Variants in PKD1L1 observed in about 807,000 individuals in gnomAD.
PKD1L1 encodes the protein polycystin 1 like 1, transient receptor potential channel interacting, also known as polycystin-1-like protein 1.
Under a neutral mutation model 323.4 loss-of-function variants are expected in PKD1L1, and 236 were observed. The observed-to-expected ratio is 0.73, with a 90% CI of 0.66 to 0.81. The LOEUF is 0.81. Ranked by LOEUF, PKD1L1 falls within the 40% of genes least tolerant of loss-of-function variation. The pLI is 0.00. For missense variants in PKD1L1, 3,320 were observed against 3,508.0 expected (o/e 0.95, Z 1.35); for synonymous variants, 1,344 against 1,335.0 (o/e 1.01, Z -0.15).
chr7:47,871,449 TGACAGAAGG>T lies in PKD1L1; in HGVS notation c.3896+2441_3896+2449del, dbSNP rs1379904109. 2.6e-5 allele frequency among the ~76,000 whole-genome samples: 4 copies of T among 152,292 alleles called. No individual in the cohort carries two copies. The East Asian group carries it at 7.7e-4, about 29-fold the overall frequency. On this transcript the variant is annotated intron_variant, in intron 24 of 56. Coordinates refer to ENST00000289672, the MANE Select transcript of PKD1L1 (RefSeq NM_138295.5). ...AGGGGAAGAAGGCTGTGACCTCACATGACAGAAGGGACAGAACGACCAAAGAGGGCCTAT... is the reference window on the plus strand; with the variant it reads ...AGGGGAAGAAGGCTGTGACCTCACATGACAGAACGACCAAAGAGGGCCTAT...
intron 45 of PKD1L1, among the ~76,000 whole-genome samples, chr7:47,823,490 G>A (rs2128733134): frequency 6.6e-6 from 1 of 152,208 alleles, no homozygotes; most frequent in South Asian, 2.1e-4. Context: ...ATAGATTTCT[G>A]TCTTGCTTTC....
At chr7:47,941,962 T>C (rs1009874576) in intron 2 of PKD1L1, among the ~76,000 whole-genome samples, 8 of 152,190 alleles carry the variant, frequency 5.3e-5, no homozygotes, top group African/African-American at 1.9e-4. Flanking sequence ...ACAGAAGTGA[T>C]ATTTATAGGT....
chr7:47,802,607 C>G (rs914872164), intron 53 of PKD1L1, among the ~76,000 whole-genome samples: 7 of 152,236 alleles, frequency 4.6e-5, no homozygotes, highest in Non-Finnish European at 8.8e-5. Flanking sequence ...GCCCTGATTG[C>G]AATTCTTTGC....
intron 2 of PKD1L1, among the ~76,000 whole-genome samples, chr7:47,943,163 A>AAAT (rs1554417311): frequency 2.9e-5 from 1 of 34,146 alleles, no homozygotes; most frequent in African/African-American, 1.0e-4. Flanking sequence ...AAAAAAAAAA[A>AAAT]ATATATATAT....
intron 54 of PKD1L1, among the ~76,000 whole-genome samples, chr7:47,798,382 T>G (rs1562934520): frequency 1.3e-5 from 2 of 152,236 alleles, no homozygotes; most frequent in African/African-American, 4.8e-5. Flanking sequence ...AAACAGGAAC[T>G]CTGTTCCATA....
At chr7:47,952,490 T>A (rs1788218237), upstream of PKD1L1, among the ~76,000 whole-genome samples, 1 of 152,200 alleles carries the variant, frequency 6.6e-6, no homozygotes, top group Non-Finnish European at 1.5e-5. Flanking sequence ...TCCATTAGCA[T>A]CTTGGGACAA....
intron 6 of PKD1L1, among the ~76,000 whole-genome samples, chr7:47,930,829 A>G (rs1039242406): frequency 6.6e-6 from 1 of 152,126 alleles, no homozygotes; most frequent in African/African-American, 2.4e-5. Context: ...ACAAACAAAC[A>G]AACAACAACA....
chr7:47,884,902 T>TA (rs1395655026), intron 18 of PKD1L1, among the ~76,000 whole-genome samples: 1 of 152,172 alleles, frequency 6.6e-6, no homozygotes, highest in East Asian at 1.9e-4. Flanking sequence ...GTGTGGTTTC[T>TA]AAGAATAACC....
chr7:47,918,205 A>C (rs976861214), intron 7 of PKD1L1, among the ~76,000 whole-genome samples: 1 of 152,190 alleles, frequency 6.6e-6, no homozygotes, highest in Non-Finnish European at 1.5e-5. Flanking sequence ...CAAACAAAAC[A>C]AACTTTAAAG....
chr7:47,827,547 G>T, intron 44 of PKD1L1, 79 bp from the exon 45 acceptor site: 2 of 1,240,378 alleles, frequency 1.6e-6, no homozygotes, highest in Non-Finnish European at 2.3e-6. Context: ...GCCAAGCCAA[G>T]GAATGTGTCA....
chr7:47,903,472 C>T (rs1011309843), intron 12 of PKD1L1, among the ~76,000 whole-genome samples: 1 of 152,202 alleles, frequency 6.6e-6, no homozygotes, highest in East Asian at 1.9e-4. Flanking sequence ...CACCAATCTA[C>T]AAGCCACTAC....
intron 2 of PKD1L1, among the ~76,000 whole-genome samples, chr7:47,943,189 T>G (rs1461488769): frequency 2.1e-5 from 3 of 142,062 alleles, no homozygotes; most frequent in East Asian, 2.0e-4. Flanking sequence ...TATATATATA[T>G]ATATATATGT....
the PKD1L1 span, among the ~76,000 whole-genome samples, chr7:47,959,753 T>TC: frequency 7.7e-6 from 1 of 130,336 alleles, no homozygotes; most frequent in Non-Finnish European, 1.6e-5. Flanking sequence ...GGTGGAGGGG[T>TC]CAGCCCCCCG....
intron 53 of PKD1L1, 101 bp from the exon 54 acceptor site, chr7:47,800,980 C>G: frequency 9.4e-7 from 1 of 1,062,242 alleles, no homozygotes; most frequent in Admixed American, 2.0e-5. Context: ...CTTGGAGGGG[C>G]AGTTTTGGGA....
chr7:47,951,588 A>G (rs935217987), upstream of PKD1L1, among the ~76,000 whole-genome samples: 9 of 152,240 alleles, frequency 5.9e-5, no homozygotes, highest in African/African-American at 1.9e-4. Context: ...GTGTTTACAC[A>G]GTTCACAGTG....
At chr7:47,787,717 T>C (rs979730722) in intron 56 of PKD1L1, among the ~76,000 whole-genome samples, 2 of 152,152 alleles carry the variant, frequency 1.3e-5, no homozygotes, top group Non-Finnish European at 2.9e-5. Flanking sequence ...GACTTTGTTT[T>C]CATTTGCTTT....
chr7:47,890,408 C>T, intron 16 of PKD1L1, 134 bp downstream of exon 16: 1 of 847,244 alleles, frequency 1.2e-6, no homozygotes, highest in Non-Finnish European at 1.9e-6. Context: ...TTCTCCTCCT[C>T]CTTTGCAGTG....
rs1320643583 is a variant in PKD1L1, at chr7:47,829,499, C to T, written c.6661G>A (p.Ala2221Thr). ...GGGAGGCGAGTCCAGGAACGTTCTGCCAATTCAGAGTCCAGATCCCTGGTA... is the reference window on the plus strand; with the variant it reads ...GGGAGGCGAGTCCAGGAACGTTCTGTCAATTCAGAGTCCAGATCCCTGGTA... ...EATRDLDSEL[A>T]ERSWTRLPFS... The change falls in exon 44 of 57, where the codon GCA (alanine) becomes ACA (threonine). Residue 2221 changes from alanine (A) to threonine (T), a missense_variant. Ala to Thr is a moderately conservative substitution (Grantham distance 58, BLOSUM62 0). Transcript: ENST00000289672. The T allele has an allele frequency of 1.2e-6, 2 of 1,613,996 alleles. No homozygotes were observed. The highest frequency in any genetic ancestry group is 2.7e-5 in the African/African-American group (2 of 74,902).
In PKD1L1 at chr7:47,815,403, C is replaced by T. The variant is rs752714653; in HGVS notation, c.7020G>A (p.Trp2340Ter). The T allele has an allele frequency of 1.2e-6, 2 of 1,613,968 alleles. No homozygotes were observed. Among genetic ancestry groups the T allele is most frequent in the Non-Finnish European group, 1.7e-6 (2 of 1,179,968 alleles). The change falls in exon 47 of 57, where the codon TGG becomes TGA. Residue 2340 changes from tryptophan to a stop codon, truncating the protein, a stop_gained. Coordinates refer to ENST00000289672, the MANE Select transcript of PKD1L1 (RefSeq NM_138295.5). LOFTEE classifies it high-confidence loss of function. ...GGCCATCCAGAAGTGTGGTCAGACT[C>T]CAGTCCCACCAGTCAGCGATGTTTC... ...GLRNIADWWDWSLTTLLDGLY... is the reference protein window; with the variant it reads ...GLRNIADWWD
Sources: gnomAD v4.1 joint callset for allele counts (sites outside exome capture counted in the v4.1 genomes callset) on GRCh38, gnomAD v4.1.1 for gene constraint, MANE v1.5 for transcripts, NCBI Gene and HGNC (gene_info 2026-07-23, HGNC 2026-07-21) for gene names.